KALRN: variants seen among roughly 807,000 people sequenced by gnomAD.
KALRN encodes the protein kalirin.
KALRN carries 70 observed loss-of-function variants against 353.7 expected under a neutral mutation model. That is an observed-to-expected ratio of 0.20 (90% confidence interval 0.16 to 0.24). The LOEUF (loss-of-function observed/expected upper bound fraction) is 0.24, where lower values mean the gene tolerates loss of function less well. Ranked by LOEUF, KALRN falls within the 10% of genes least tolerant of loss-of-function variation. KALRN has a pLI of 1.00. For synonymous variants in KALRN, 1,391 were observed against 1,434.8 expected (o/e 0.97, Z 0.69); for missense variants, 2,791 against 3,756.7 (o/e 0.74, Z 6.72).
chr3:124,384,622 G>A (rs1219513934), intron 10 of KALRN: 3 of 450,412 alleles, frequency 6.7e-6, no homozygotes. Flanking sequence ...CTGCACCTCT[G>A]AGAAATCCCA....
chr3:124,503,993 C>CA (rs1483141648), intron 33 of KALRN, among the ~76,000 whole-genome samples: 1 of 152,232 alleles, frequency 6.6e-6, no homozygotes. Context: ...AAGTAAGTTT[C>CA]ATAAAATATA....
At chr3:124,601,230 T>A (rs2076772657) in intron 34 of KALRN, among the ~76,000 whole-genome samples, 1 of 152,238 alleles carries the variant, frequency 6.6e-6, no homozygotes, top group African/African-American at 2.4e-5. Context: ...GTGTATCACT[T>A]AGGGTAGTTC....
In KALRN at chr3:124,699,934, A is replaced by G. The variant is rs1403413225; in HGVS notation, c.7897A>G (p.Ser2633Gly). Residue 2633 changes from serine to glycine, a missense_variant, in exon 56 of 60, where the codon AGT becomes GGT. By Grantham distance (56) the Ser-to-Gly change is moderately conservative (BLOSUM62 0). Coordinates refer to ENST00000682506, the MANE Select transcript of KALRN (RefSeq NM_001388419.1). The stretch of plus-strand genomic sequence containing the variant: ...CACTTACCTCGTCATCGAAGACCTT[A>G]GTCCCGGGTGTCCTTATCAGTTCAG... ...LDTYLVIEDL[S>G]PGCPYQFRVS... The G allele has an allele frequency of 6.2e-7, 1 of 1,614,196 alleles. No individual in the cohort carries two copies. The highest frequency in any genetic ancestry group is 1.7e-5 in the Admixed American group (1 of 60,028).
intron 38 of KALRN, among the ~76,000 whole-genome samples, chr3:124,653,886 C>A (rs1262617274): frequency 3.3e-5 from 5 of 152,304 alleles, no homozygotes; most frequent in African/African-American, 1.2e-4. Context: ...CAATTTAAAT[C>A]CTTGATGTCA....
At chr3:124,485,109 G>C (rs965367442) in intron 28 of KALRN, among the ~76,000 whole-genome samples, 5 of 151,926 alleles carry the variant, frequency 3.3e-5, no homozygotes, top group African/African-American at 9.7e-5. Context: ...AAAAATAAAT[G>C]AATAAAATAA....
intron 34 of KALRN, among the ~76,000 whole-genome samples, chr3:124,597,277 T>A (rs1384610109): frequency 6.6e-6 from 1 of 152,162 alleles, no homozygotes. Context: ...TGCCCCGAGT[T>A]GGTCCCAAGT....
At chr3:124,159,218 G>A (rs1018105731) in intron 1 of KALRN, among the ~76,000 whole-genome samples, 2 of 152,074 alleles carry the variant, frequency 1.3e-5, no homozygotes, top group Admixed American at 6.6e-5. Flanking sequence ...CTTGGCTTAT[G>A]CCACACCTCC....
At chr3:124,493,249 G>A (rs539010357) in intron 32 of KALRN, among the ~76,000 whole-genome samples, 46 of 152,342 alleles carry the variant, frequency 3.0e-4, no homozygotes, top group Admixed American at 2.0e-3. Context: ...GGGGACTTTA[G>A]ATGAGTCCTA....
At chr3:124,314,718 A>T (rs1461830380) in intron 6 of KALRN, among the ~76,000 whole-genome samples, 1 of 152,196 alleles carries the variant, frequency 6.6e-6, no homozygotes, top group African/African-American at 2.4e-5. Context: ...ATGCAGTGGC[A>T]GGATTGTGGC....
At chr3:124,583,735 C>T (rs1188482026) in intron 34 of KALRN, among the ~76,000 whole-genome samples, 1 of 152,150 alleles carries the variant, frequency 6.6e-6, no homozygotes, top group Non-Finnish European at 1.5e-5. Flanking sequence ...AAGTCTGAAT[C>T]TCAAGTAGGT....
At chr3:124,381,592 G>C (rs891352660) in intron 10 of KALRN, among the ~76,000 whole-genome samples, 7 of 152,114 alleles carry the variant, frequency 4.6e-5, no homozygotes, top group African/African-American at 1.4e-4. Flanking sequence ...TGTCTTTATT[G>C]TTCCATTCTC....
At chr3:124,457,006 A>C (rs1401306674) in intron 23 of KALRN, among the ~76,000 whole-genome samples, 1 of 151,988 alleles carries the variant, frequency 6.6e-6, no homozygotes, top group East Asian at 1.9e-4. Context: ...TCAAAACTCA[A>C]CTTGGAACAA....
At chr3:124,281,916 C>T (rs1378168808) in intron 5 of KALRN, among the ~76,000 whole-genome samples, 14 of 152,184 alleles carry the variant, frequency 9.2e-5, no homozygotes, top group Admixed American at 9.2e-4. Flanking sequence ...GACACAAGAG[C>T]ACCACCTACT....
In KALRN at chr3:124,723,453, G is replaced by C. The variant is rs2063383316; in HGVS notation, c.*3983G>C. 6.6e-6 allele frequency: 1 copy of C among 152,112 alleles called. No homozygotes were observed. Among genetic ancestry groups the C allele is most frequent in the Non-Finnish European group, 1.5e-5 (1 of 68,012 alleles). The allele number at this position is 152,112 out of a possible 1,614,324, so 9.4% of individuals were successfully genotyped here. A position where few individuals can be genotyped will look rare whatever the true frequency, so the allele number is the denominator to read the frequency against. On this transcript the variant is annotated 3_prime_UTR_variant, in exon 60 of 60. Transcript: ENST00000682506. Reference sequence around the variant, plus strand: ...GACATTAATCTTACAGGAATGTTGAGAAATAACCTTGGTGGGGACATCTAT... The same window carrying C: ...GACATTAATCTTACAGGAATGTTGACAAATAACCTTGGTGGGGACATCTAT...
intron 1 of KALRN, among the ~76,000 whole-genome samples, chr3:124,110,592 T>C (rs1323725838): frequency 1.3e-5 from 2 of 152,156 alleles, no homozygotes; most frequent in Non-Finnish European, 2.9e-5. Flanking sequence ...GTGTTTTTTA[T>C]CTTTGTATCT....
intron 5 of KALRN, among the ~76,000 whole-genome samples, chr3:124,285,964 T>C (rs1211162351): frequency 6.6e-6 from 1 of 152,196 alleles, no homozygotes; most frequent in Non-Finnish European, 1.5e-5. Context: ...GAAGGTTGTA[T>C]TGGACGGCAC....
intron 3 of KALRN, among the ~76,000 whole-genome samples, chr3:124,259,857 G>A (rs2072595755): frequency 6.6e-6 from 1 of 152,134 alleles, no homozygotes. Flanking sequence ...GTTTAAATAG[G>A]GTTGTCCATG....
chr3:124,307,641 A>C (rs2077832859), intron 6 of KALRN, among the ~76,000 whole-genome samples: 1 of 152,016 alleles, frequency 6.6e-6, no homozygotes, highest in African/African-American at 2.4e-5. Flanking sequence ...AGTGAAAAAA[A>C]TCAATCAGTA....
At chr3:124,150,430 C>A (rs1012265142) in intron 1 of KALRN, among the ~76,000 whole-genome samples, 1 of 152,048 alleles carries the variant, frequency 6.6e-6, no homozygotes, top group Non-Finnish European at 1.5e-5. Context: ...TACATGTGCA[C>A]AACGTGCAGG....
Sources: allele counts gnomAD v4.1 joint callset (sites outside exome capture counted in the v4.1 genomes callset), GRCh38; gene constraint gnomAD v4.1.1; transcripts MANE v1.5; gene names NCBI Gene and HGNC (gene_info 2026-07-23, HGNC 2026-07-21).